The following ACVRL1 variants were observed in gnomAD, a reference collection of about 807,000 sequenced individuals.
ACVRL1 encodes activin receptor type-1-like.
In ACVRL1, 20 loss-of-function variants were observed where a neutral mutation model predicts 51.9. The ratio of observed to expected loss-of-function variants is 0.39; its 90% confidence interval spans 0.27 to 0.56. The LOEUF (loss-of-function observed/expected upper bound fraction) is 0.56. ACVRL1 is among the 20% of genes least tolerant of loss of function. ACVRL1 has a pLI of 0.67. For synonymous variants in ACVRL1, 288 were observed against 280.9 expected (o/e 1.03, Z -0.25); for missense variants, 451 against 670.3 (o/e 0.67, Z 3.61).
At chr12:51,914,376 G>A (rs996166323) in intron 5 of ACVRL1, 63 bp from the exon 6 acceptor site, 28 of 1,606,154 alleles carry the variant, frequency 1.7e-5, no homozygotes, top group Non-Finnish European at 2.4e-5. Context: ...CATCAAGATG[G>A]GGGGCTCTTC....
At position 51,913,156 on chromosome 12, in the gene ACVRL1, A is replaced by T. The variant is rs1248476778; in HGVS notation, c.119A>T (p.His40Leu). The stretch of plus-strand genomic sequence containing the variant: ...GTGACCTGCACGTGTGAGAGCCCAC[A>T]TTGCAAGGGGCCTACCTGCCGGGGG... ...PLVTCTCESP[H>L]CKGPTCRGAW... The change falls in exon 3 of 10, where the codon CAT (histidine) becomes CTT (leucine). Residue 40 changes from histidine to leucine, a missense_variant. This residue lies in a region of ACVRL1 where 192 missense variants were observed against 216.9 expected (regional missense o/e 0.89). Coordinates refer to ENST00000388922, the MANE Select transcript of ACVRL1 (RefSeq NM_000020.3). 3.1e-6 allele frequency: 5 copies of T among 1,606,140 alleles called. No homozygotes were observed. Among genetic ancestry groups the T allele is most frequent in the Non-Finnish European group, 2.5e-6 (3 of 1,178,274 alleles).
At chr12:51,910,186 G>T (rs911283209) in intron 1 of ACVRL1, among the ~76,000 whole-genome samples, 1 of 152,124 alleles carries the variant, frequency 6.6e-6, no homozygotes, top group African/African-American at 2.4e-5. Context: ...AGACAGCCTC[G>T]CTCCACAGTG....
At chr12:51,910,222 A>G (rs953865125) in intron 1 of ACVRL1, among the ~76,000 whole-genome samples, 2 of 152,054 alleles carry the variant, frequency 1.3e-5, no homozygotes, top group Admixed American at 1.3e-4. Context: ...TTTGGTGTTT[A>G]CCCTTGGCTG....
intron 7 of ACVRL1, 53 bp downstream of exon 7, chr12:51,915,553 G>A: frequency 6.4e-7 from 1 of 1,567,720 alleles, no homozygotes; most frequent in South Asian, 1.2e-5. Flanking sequence ...GAGCTTGTGC[G>A]CTCTCCTCTC....
intron 9 of ACVRL1, among the ~76,000 whole-genome samples, chr12:51,919,540 A>G (rs1940920765): frequency 6.6e-6 from 1 of 151,988 alleles, no homozygotes; most frequent in Non-Finnish European, 1.5e-5. Flanking sequence ...GGTGTAGTGC[A>G]CACCACCACA....
Position 51,916,029 on chromosome 12 carries a change from C to A in ACVRL1, c.1049-7C>A. On this transcript the variant is annotated splice_region_variant and splice_polypyrimidine_tract_variant and intron_variant, in intron 7 of 9. Coordinates refer to ENST00000388922, the MANE Select transcript of ACVRL1 (RefSeq NM_000020.3). ...AGGGGCAGGAGTGACAGGCCTCACC[C>A]CCACAGGCCTGGCTGTGATGCACTC... 1 of 1,610,832 alleles carries A rather than the reference C, an allele frequency of 6.2e-7. No individual in the cohort carries two copies. Among genetic ancestry groups the A allele is most frequent in the South Asian group, 1.1e-5 (1 of 90,866 alleles).
In ACVRL1 at chr12:51,914,027, G is replaced by A; in HGVS notation, c.579G>A (p.Leu193=). ...TTGSGSGLPF[L]VQRTVARQVA... ...GGAGTGGCTCAGGGCTCCCCTTCCT[G>A]GTGCAGAGGACAGTGGCACGGCAGG... The change falls in exon 5 of 10, where the codon CTG becomes CTA. Residue 193 remains leucine (L), a synonymous_variant. Transcript: ENST00000388922. 6.2e-7 allele frequency: 1 copy of A among 1,613,930 alleles called. No homozygotes were observed. The highest frequency in any genetic ancestry group is 8.5e-7 in the Non-Finnish European group (1 of 1,179,896).
chr12:51,913,225 C>G lies in ACVRL1; in HGVS notation c.188C>G (p.Pro63Arg), dbSNP rs763053615. 1.3e-6 allele frequency: 2 copies of G among 1,590,296 alleles called. No individual in the cohort carries two copies. Among genetic ancestry groups the G allele is most frequent in the African/African-American group, 2.7e-5 (2 of 74,722 alleles). The change falls in exon 3 of 10, where the codon CCC (proline) becomes CGC (arginine). Residue 63 changes from proline (P) to arginine (R), a missense_variant. Physicochemically the swap from Pro to Arg is moderately radical, Grantham distance 103 (BLOSUM62 -2). Around this residue, in one of 2 missense-constraint regions of ACVRL1, gnomAD observed 192 missense variants for 216.9 expected, o/e 0.89. Coordinates refer to ENST00000388922, the MANE Select transcript of ACVRL1 (RefSeq NM_000020.3). ...CTGGTGCGGGAGGAGGGGAGGCACC[C>G]CCAGGAACATCGGGGCTGCGGGAAC... ...VVLVREEGRH[P>R]QEHRGCGNLH... is the part of the protein sequence containing the mutation.
At chr12:51,916,563 A>G (rs1940845678) in intron 8 of ACVRL1, among the ~76,000 whole-genome samples, 1 of 152,252 alleles carries the variant, frequency 6.6e-6, no homozygotes, top group African/African-American at 2.4e-5. Context: ...TGGTATGGAC[A>G]AGGCAGTGGT....
At position 51,912,340 on chromosome 12, in the gene ACVRL1, A is replaced by C. The variant is rs955092528; in HGVS notation, c.-5-130A>C. 19 of 955,540 alleles carry C rather than the reference A, an allele frequency of 2.0e-5. No individual in the cohort carries two copies. In the African/African-American group the frequency reaches 2.9e-4, roughly 15 times the overall value. The allele number at this position is 955,540 out of a possible 1,614,324, so 59.2% of individuals were successfully genotyped here. Reference sequence around the variant, plus strand: ...CCCGCCCCAAAGCCAGGCGGCAGGGAGTAGGGAGGCGGCCTCCCTGCCTCC... The same window carrying C: ...CCCGCCCCAAAGCCAGGCGGCAGGGCGTAGGGAGGCGGCCTCCCTGCCTCC... On this transcript the variant is annotated intron_variant, in intron 1 of 9. Coordinates refer to ENST00000388922, the MANE Select transcript of ACVRL1 (RefSeq NM_000020.3).
chr12:51,919,380 T>A (rs183229740), intron 9 of ACVRL1: 67 of 488,736 alleles, frequency 1.4e-4, no homozygotes, highest in African/African-American at 1.3e-3. Context: ...TGTGTGTGTG[T>A]GTGTGTGTGT....
intron 1 of ACVRL1, among the ~76,000 whole-genome samples, chr12:51,911,808 C>T (rs912287647): frequency 1.3e-5 from 2 of 152,146 alleles, no homozygotes; most frequent in African/African-American, 4.8e-5. Flanking sequence ...GTCCCAGGCA[C>T]AAGGAACTAA....
At position 51,913,229 on chromosome 12, in the gene ACVRL1, G is replaced by A. The variant is rs1406428709; in HGVS notation, c.192G>A (p.Gln64=). 1.9e-6 allele frequency: 3 copies of A among 1,589,636 alleles called. No individual in the cohort carries two copies. Among genetic ancestry groups the A allele is most frequent in the East Asian group, 2.3e-5 (1 of 43,962 alleles). Residue 64 remains glutamine (Q), a synonymous_variant, in exon 3 of 10, where the codon CAG becomes CAA. Transcript: ENST00000388922. ...TGCGGGAGGAGGGGAGGCACCCCCA[G>A]GAACATCGGGGCTGCGGGAACTTGC... is the stretch of plus-strand genomic sequence containing the variant. ...VLVREEGRHP[Q]EHRGCGNLHR... is the part of the protein sequence containing the mutation.
chr12:51,908,543 C>T (rs1164035369), intron 1 of ACVRL1, among the ~76,000 whole-genome samples: 2 of 152,026 alleles, frequency 1.3e-5, no homozygotes, highest in African/African-American at 2.4e-5. Context: ...TAATCCTGGC[C>T]GCAACCTAGT....
intron 9 of ACVRL1, among the ~76,000 whole-genome samples, chr12:51,919,778 G>A (rs1940926192): frequency 6.6e-6 from 1 of 151,998 alleles, no homozygotes; most frequent in Non-Finnish European, 1.5e-5. Context: ...CACTTCACTT[G>A]TACAAAGACA....
At chr12:51,912,211 C>G in intron 1 of ACVRL1, 1 of 611,036 alleles carries the variant, frequency 1.6e-6, no homozygotes, top group Non-Finnish European at 2.9e-6. Context: ...GAGTGCAGAG[C>G]TAGGGTTTCC....
At chr12:51,908,544 G>A (rs190665457) in intron 1 of ACVRL1, among the ~76,000 whole-genome samples, 17 of 152,200 alleles carry the variant, frequency 1.1e-4, no homozygotes, top group Middle Eastern at 3.4e-3. Context: ...AATCCTGGCC[G>A]CAACCTAGTG....
chr12:51,916,146 A>G lies in ACVRL1; in HGVS notation c.1159A>G (p.Thr387Ala), dbSNP rs1232889252. Residue 387 changes from threonine (T) to alanine (A), a missense_variant, in exon 8 of 10, where the codon ACG becomes GCG. By Grantham distance (58) the Thr-to-Ala change is moderately conservative. Around this residue, in one of 2 missense-constraint regions of ACVRL1, gnomAD observed 259 missense variants for 453.4 expected, o/e 0.57. Coordinates refer to ENST00000388922, the MANE Select transcript of ACVRL1 (RefSeq NM_000020.3). The part of the protein sequence containing the change: ...APEVLDEQIR[T>A]DCFESYKWTD... ...CGAGGTGCTGGACGAGCAGATCCGC[A>G]CGGACTGCTTTGAGTCCTACAAGTG... 1 of 1,614,044 alleles carries G rather than the reference A, an allele frequency of 6.2e-7. No individual in the cohort carries two copies. The highest frequency in any genetic ancestry group is 2.2e-5 in the East Asian group (1 of 44,882).
At chr12:51,914,182 GA>G in intron 5 of ACVRL1, 109 bp downstream of exon 5, 1 of 959,090 alleles carries the variant, frequency 1.0e-6, no homozygotes, top group Admixed American at 2.3e-5. Flanking sequence ...GCCTGGGTCA[GA>G]ATTGGAATTC....
Sources: allele counts gnomAD v4.1 joint callset (sites outside exome capture counted in the v4.1 genomes callset), GRCh38; gene constraint gnomAD v4.1.1; regional missense constraint gnomAD v4.1.1; transcripts MANE v1.5; gene names NCBI Gene and HGNC (gene_info 2026-07-23, HGNC 2026-07-21).